Variants in SFMBT1 observed in about 807,000 individuals in gnomAD.
SFMBT1 encodes the protein Scm like with four mbt domains 1, also known as scm-like with four MBT domains protein 1.
SFMBT1 carries 32 observed loss-of-function variants against 108.7 expected under a neutral mutation model. The observed-to-expected ratio is 0.29, with a 90% confidence interval of 0.22 to 0.40. The LOEUF (loss-of-function observed/expected upper bound fraction) is 0.40. Among genes scored for constraint, SFMBT1 ranks in the 10% least tolerant of loss-of-function variants. The pLI is 1.00. For synonymous variants in SFMBT1, 348 were observed against 369.5 expected (o/e 0.94, Z 0.67); for missense variants, 816 against 1,059.6 (o/e 0.77, Z 3.19).
At chr3:52,990,682 G>A (rs954022940) in intron 1 of SFMBT1, among the ~76,000 whole-genome samples, 1 of 152,030 alleles carries the variant, frequency 6.6e-6, no homozygotes. Context: ...GGAAAGGGAG[G>A]GAGAGAAGAA....
At chr3:52,984,166 G>T (rs978277527) in intron 1 of SFMBT1, among the ~76,000 whole-genome samples, 17 of 152,192 alleles carry the variant, frequency 1.1e-4, no homozygotes, top group Non-Finnish European at 1.6e-4. Context: ...TCTGAAGTAG[G>T]AATGGTTTGA....
Position 52,998,046 on chromosome 3 carries a change from C to A in SFMBT1, c.-130-28788G>T, listed in dbSNP as rs534984728. 9.6e-4 allele frequency among the ~76,000 whole-genome samples: 145 copies of A among 150,528 alleles called. 3 individuals carry two copies. Among genetic ancestry groups the A allele is most frequent in the African/African-American group, 3.0e-3 (124 of 41,386 alleles). On this transcript the variant is annotated intron_variant, in intron 1 of 20. Transcript: ENST00000394752. ...CATTAAGGACATTCACAATGTTGTACAAGAAAATTTTTTAAATTACAGCAT... is the reference window on the plus strand; with the variant it reads ...CATTAAGGACATTCACAATGTTGTAAAAGAAAATTTTTTAAATTACAGCAT...
At chr3:52,926,345 A>T (rs938111306) in intron 9 of SFMBT1, among the ~76,000 whole-genome samples, 1 of 152,210 alleles carries the variant, frequency 6.6e-6, no homozygotes, top group Non-Finnish European at 1.5e-5. Flanking sequence ...AAATTTGTAA[A>T]CTTTCAAATT....
rs1559531277 is a variant in SFMBT1, at chr3:52,969,232, G to A, written c.-104C>T. 1.7e-5 allele frequency: 26 copies of A among 1,555,970 alleles called. No homozygotes were observed. Among genetic ancestry groups the A allele is most frequent in the Non-Finnish European group, 2.0e-5 (23 of 1,156,884 alleles). ...TGCAGGTTTCAAGCATCTGTTCAAT[G>A]GGTATCCACGGGTCCAAATGAAAGT... is the stretch of plus-strand genomic sequence containing the variant. On this transcript the variant is annotated 5_prime_UTR_variant, in exon 2 of 21. Coordinates refer to ENST00000394752, the MANE Select transcript of SFMBT1 (RefSeq NM_016329.4).
At chr3:53,029,216 A>C (rs575359377) in intron 1 of SFMBT1, among the ~76,000 whole-genome samples, 1 of 151,716 alleles carries the variant, frequency 6.6e-6, no homozygotes, top group East Asian at 1.9e-4. Flanking sequence ...GAAATGTACT[A>C]CCATGGGGGA....
At position 52,998,614 on chromosome 3, in the gene SFMBT1, T is replaced by TA. The variant is rs1698426604; in HGVS notation, c.-130-29357dup. Among the ~76,000 whole-genome samples the TA allele has an allele frequency of 1.3e-5, 2 of 149,904 alleles. 1 individual carries two copies. Among genetic ancestry groups the TA allele is most frequent in the Non-Finnish European group, 3.0e-5 (2 of 66,880 alleles). ...ACCTAGGGGTGACTGCAGCCATGGCTAAGAAAGCGCCAGCGCCCACCCACC... is the reference window on the plus strand; with the variant it reads ...ACCTAGGGGTGACTGCAGCCATGGCTAAAGAAAGCGCCAGCGCCCACCCACC... On this transcript the variant is annotated intron_variant, in intron 1 of 20. Transcript: ENST00000394752.
Position 52,930,323 on chromosome 3 carries a change from T to C in SFMBT1, c.897+6A>G. ...ATTCTTACCAAGAGAGTTATCTCCATTTTACCTTAACAACTGTAGCAGGAG... is the reference window on the plus strand; with the variant it reads ...ATTCTTACCAAGAGAGTTATCTCCACTTTACCTTAACAACTGTAGCAGGAG... On this transcript the variant is annotated splice_donor_region_variant and intron_variant, in intron 8 of 20. Transcript: ENST00000394752. The C allele has an allele frequency of 6.4e-7, 1 of 1,552,810 alleles. No homozygotes were observed. The highest frequency in any genetic ancestry group is 8.9e-7 in the Non-Finnish European group (1 of 1,124,218).
intron 1 of SFMBT1, among the ~76,000 whole-genome samples, chr3:53,034,547 T>G (rs868595068): frequency 9.2e-5 from 14 of 152,184 alleles, no homozygotes; most frequent in South Asian, 2.1e-4. Flanking sequence ...ACCACTGTAC[T>G]CCAGCCTGGG....
In SFMBT1 at chr3:52,932,249, T is replaced by C; in HGVS notation, c.513A>G (p.Gln171=). Residue 171 remains glutamine (Q), a synonymous_variant, in exon 6 of 21, where the codon CAA becomes CAG. Transcript: ENST00000394752. The stretch of plus-strand genomic sequence containing the variant: ...AAGTGCTTAAAGAGTCCTGGAAAGC[T>C]TGACATTCTAGTCTGGATCCTGGAG... ...LIAPGSRLEC[Q]AFQDSLSTWI... 1.2e-6 allele frequency: 2 copies of C among 1,614,228 alleles called. No homozygotes were observed. The highest frequency in any genetic ancestry group is 1.1e-5 in the South Asian group (1 of 91,090).
chr3:52,968,926 C>G (rs1460894331), intron 2 of SFMBT1, among the ~76,000 whole-genome samples, 175 bp downstream of exon 2: 2 of 152,050 alleles, frequency 1.3e-5, no homozygotes, highest in East Asian at 1.9e-4. Flanking sequence ...TTTCAGCAAA[C>G]ATTATTAGTA....
intron 1 of SFMBT1, among the ~76,000 whole-genome samples, chr3:52,995,032 CAAGAAAAAAAAAAGGAAAAGGAAAGAA>C (rs1294713255): frequency 2.3e-4 from 31 of 132,996 alleles, no homozygotes; most frequent in African/African-American, 7.9e-4. Context: ...GAAAAGAAAG[CAAGAAAAAAAAAAGGAAAAGGAAAGAA>C]AAGGAAAAGA....
At chr3:52,991,339 C>CTT (rs1321070989) in intron 1 of SFMBT1, among the ~76,000 whole-genome samples, 18 of 62,622 alleles carry the variant, frequency 2.9e-4, no homozygotes, top group African/African-American at 7.6e-4. Context: ...CATGCTGAAA[C>CTT]TTCTTTTTTT....
chr3:52,964,592 T>C (rs1434566025), intron 2 of SFMBT1, among the ~76,000 whole-genome samples: 1 of 152,130 alleles, frequency 6.6e-6, no homozygotes, highest in Non-Finnish European at 1.5e-5. Flanking sequence ...GACAACCTAG[T>C]ATCAAATTAG....
chr3:52,975,443 C>CTG (rs1482451979), intron 1 of SFMBT1, among the ~76,000 whole-genome samples: 3 of 152,134 alleles, frequency 2.0e-5, no homozygotes, highest in Non-Finnish European at 2.9e-5. Context: ...AATCCCAGCA[C>CTG]TGTGGGAAGG....
chr3:53,022,128 T>C (rs1699330040), intron 1 of SFMBT1, among the ~76,000 whole-genome samples: 1 of 152,170 alleles, frequency 6.6e-6, no homozygotes, highest in Admixed American at 6.5e-5. Context: ...TAAGCTACTC[T>C]AGCAGGTGTT....
rs116011403 is a variant in SFMBT1, at chr3:53,044,549, G to A, written c.-131+1267C>T. On this transcript the variant is annotated intron_variant, in intron 1 of 20. Coordinates refer to ENST00000394752, the MANE Select transcript of SFMBT1 (RefSeq NM_016329.4). Reference sequence around the variant, plus strand: ...TCAACAGGCCTCAAAGTGTACACATGAAGACACATCTTCCTTCATCCTCTC... The same window carrying A: ...TCAACAGGCCTCAAAGTGTACACATAAAGACACATCTTCCTTCATCCTCTC... 9.1e-3 allele frequency among the ~76,000 whole-genome samples: 1,390 copies of A among 152,310 alleles called. 11 individuals carry two copies. Among genetic ancestry groups the A allele is most frequent in the Non-Finnish European group, 0.015 (999 of 68,036 alleles).
intron 1 of SFMBT1, among the ~76,000 whole-genome samples, chr3:53,039,151 G>A (rs1699956167): frequency 6.6e-6 from 1 of 152,202 alleles, no homozygotes; most frequent in South Asian, 2.1e-4. Context: ...CTAAGGACAA[G>A]GTACCTGGTT....
At chr3:52,942,145 T>G (rs1362660613) in intron 4 of SFMBT1, among the ~76,000 whole-genome samples, 1 of 152,134 alleles carries the variant, frequency 6.6e-6, no homozygotes, top group Non-Finnish European at 1.5e-5. Flanking sequence ...AATATAAAAA[T>G]AAGACCATGT....
intron 1 of SFMBT1, among the ~76,000 whole-genome samples, chr3:53,026,934 C>T (rs1699512476): frequency 6.6e-6 from 1 of 152,088 alleles, no homozygotes; most frequent in African/African-American, 2.4e-5. Context: ...ACAATCGTGC[C>T]ACCGCACCTG....
Sources: gnomAD v4.1 joint callset for allele counts (sites outside exome capture counted in the v4.1 genomes callset) on GRCh38, gnomAD v4.1.1 for gene constraint, MANE v1.5 for transcripts, NCBI Gene and HGNC (gene_info 2026-07-23, HGNC 2026-07-21) for gene names.